Variants in KCNIP4 observed in about 807,000 individuals in gnomAD.
KCNIP4 encodes potassium voltage-gated channel interacting protein 4.
A neutral mutation model predicts 34.0 loss-of-function variants in KCNIP4; 12 were observed. The ratio of observed to expected loss-of-function variants is 0.35; its 90% CI spans 0.23 to 0.57. The LOEUF (loss-of-function observed/expected upper bound fraction) is 0.57. Ranked by LOEUF, KCNIP4 falls within the 20% of genes least tolerant of loss-of-function variation. The pLI, the probability that KCNIP4 is intolerant of heterozygous loss-of-function variation, is 0.83. For synonymous variants in KCNIP4, 124 were observed against 102.2 expected, an observed-to-expected ratio of 1.21 and a Z score of -1.29; for missense variants, 238 against 311.7, an observed-to-expected ratio of 0.76 and a Z score of 1.78.
At chr4:21,143,677 T>C (rs1752140530) in intron 1 of KCNIP4, among the ~76,000 whole-genome samples, 1 of 151,818 alleles carries the variant, frequency 6.6e-6, no homozygotes, top group Non-Finnish European at 1.5e-5. Context: ...AATGGACCAC[T>C]AGGCTTTGTT....
intron 1 of KCNIP4, among the ~76,000 whole-genome samples, chr4:20,932,036 C>T (rs1202331044): frequency 2.8e-5 from 1 of 36,170 alleles, no homozygotes; most frequent in Non-Finnish European, 4.5e-5. Context: ...ATATTGTAGA[C>T]AATAATAGTC....
intron 1 of KCNIP4, among the ~76,000 whole-genome samples, chr4:21,471,174 T>G (rs1408366832): frequency 6.6e-6 from 1 of 152,196 alleles, no homozygotes; most frequent in Non-Finnish European, 1.5e-5. Flanking sequence ...AAGTACTCTC[T>G]GTGGCTTTTA....
intron 1 of KCNIP4, among the ~76,000 whole-genome samples, chr4:21,002,937 C>G (rs1738263179): frequency 6.6e-6 from 1 of 152,182 alleles, no homozygotes. Context: ...CAGAGCATAT[C>G]ATGGTTACCT....
chr4:20,974,215 C>T (rs957967393), intron 1 of KCNIP4, among the ~76,000 whole-genome samples: 1 of 152,044 alleles, frequency 6.6e-6, no homozygotes, highest in Non-Finnish European at 1.5e-5. Context: ...CTCTGGACAC[C>T]GTGAAAATAC....
intron 1 of KCNIP4, among the ~76,000 whole-genome samples, chr4:20,943,337 T>C (rs1196073521): frequency 6.6e-6 from 1 of 152,338 alleles, no homozygotes. Flanking sequence ...TTATAGCCTA[T>C]AAGACTGTAT....
At chr4:21,206,176 T>C (rs553836731) in intron 1 of KCNIP4, among the ~76,000 whole-genome samples, 1 of 152,352 alleles carries the variant, frequency 6.6e-6, no homozygotes, top group East Asian at 1.9e-4. Context: ...AATAGGTTCA[T>C]CTTGATATAA....
chr4:20,730,350 C>T (rs1271734579), intron 8 of KCNIP4, among the ~76,000 whole-genome samples: 1 of 152,020 alleles, frequency 6.6e-6, no homozygotes, highest in Non-Finnish European at 1.5e-5. Context: ...GTCTATTGAC[C>T]AGGCATTAAA....
chr4:20,908,901 T>A (rs10938817), intron 1 of KCNIP4, among the ~76,000 whole-genome samples: 1 of 152,240 alleles, frequency 6.6e-6, no homozygotes, highest in African/African-American at 2.4e-5. Flanking sequence ...GTGCTCATTG[T>A]TTAGTAAATA....
chr4:21,320,964 TAAA>T (rs528123961), intron 1 of KCNIP4, among the ~76,000 whole-genome samples: 5 of 102,890 alleles, frequency 4.9e-5, no homozygotes, highest in African/African-American at 9.2e-5. Context: ...GAATCTGTCT[TAAA>T]AAAAAAAAAA....
intron 1 of KCNIP4, among the ~76,000 whole-genome samples, chr4:21,885,934 G>A (rs16872048): frequency 0.32 from 48,642 of 151,908 alleles, 8,197 homozygotes; most frequent in African/African-American, 0.43. Context: ...CAGATCTATC[G>A]GCTTGTGTCT....
intron 1 of KCNIP4, among the ~76,000 whole-genome samples, chr4:21,409,010 G>A (rs1196691256): frequency 6.6e-6 from 1 of 152,100 alleles, no homozygotes; most frequent in Non-Finnish European, 1.5e-5. Flanking sequence ...CAATGAGACT[G>A]AGAAACTTAA....
intron 1 of KCNIP4, among the ~76,000 whole-genome samples, chr4:21,414,648 A>C (rs1724790234): frequency 6.6e-6 from 1 of 152,218 alleles, no homozygotes; most frequent in African/African-American, 2.4e-5. Flanking sequence ...TCATTGCAGC[A>C]CTATTCACAA....
chr4:21,223,291 G>C (rs1758114832), intron 1 of KCNIP4, among the ~76,000 whole-genome samples: 1 of 152,166 alleles, frequency 6.6e-6, no homozygotes, highest in Non-Finnish European at 1.5e-5. Context: ...AAGGAATGTA[G>C]GTGACTGCTA....
At chr4:21,693,022 G>T (rs1474848409) in intron 1 of KCNIP4, among the ~76,000 whole-genome samples, 1 of 151,954 alleles carries the variant, frequency 6.6e-6, no homozygotes, top group African/African-American at 2.4e-5. Flanking sequence ...CATCTCCAGG[G>T]AGAAAGAAGA....
intron 1 of KCNIP4, among the ~76,000 whole-genome samples, chr4:21,177,761 T>C (rs11729661): frequency 0.03 from 4,504 of 151,478 alleles, 94 homozygotes; most frequent in South Asian, 0.064. Context: ...GGCAGGAGAA[T>C]GGCTTGAACC....
chr4:21,340,690 G>T (rs1331552392), intron 1 of KCNIP4, among the ~76,000 whole-genome samples: 1 of 151,968 alleles, frequency 6.6e-6, no homozygotes, highest in Non-Finnish European at 1.5e-5. Context: ...AAAAAAAAAG[G>T]TATATTTCTA....
intron 1 of KCNIP4, among the ~76,000 whole-genome samples, chr4:21,612,807 T>G (rs1042981688): frequency 6.6e-6 from 1 of 152,168 alleles, no homozygotes; most frequent in Non-Finnish European, 1.5e-5. Flanking sequence ...GAGGGTAAAG[T>G]AATCACAATG....
rs575791432 is a variant in KCNIP4 at position 21,076,718 on chromosome 4, G to T, written c.62-194009C>A. Among the ~76,000 whole-genome samples the T allele has an allele frequency of 1.5e-4, 23 of 152,250 alleles. No individual in the cohort carries two copies. The South Asian group carries it at 2.3e-3, about 15-fold the overall frequency. ...CTGGGCAGCTATGAGAAATGTCGTTGATGGTGTGAGCAGTAGTGGTGCATG... is the reference window on the plus strand; with the variant it reads ...CTGGGCAGCTATGAGAAATGTCGTTTATGGTGTGAGCAGTAGTGGTGCATG... On this transcript the variant is annotated intron_variant, in intron 1 of 8. Transcript: ENST00000382152.
At chr4:20,933,138 C>T (rs540055885) in intron 1 of KCNIP4, among the ~76,000 whole-genome samples, 1 of 151,882 alleles carries the variant, frequency 6.6e-6, no homozygotes, top group Admixed American at 6.6e-5. Flanking sequence ...CTAGCTACTT[C>T]GAGGCTGAGA....
Sources: gnomAD v4.1 joint callset for allele counts (sites outside exome capture counted in the v4.1 genomes callset) on GRCh38, gnomAD v4.1.1 for gene constraint, MANE v1.5 for transcripts, NCBI Gene and HGNC (gene_info 2026-07-23, HGNC 2026-07-21) for gene names.